The following FSTL5 variants were observed in gnomAD, a reference collection of about 807,000 sequenced individuals.
The protein encoded by FSTL5 is follistatin-related protein 5.
A neutral mutation model predicts 89.1 loss-of-function variants in FSTL5; 62 were observed. The observed-to-expected ratio is 0.70, with a 90% CI of 0.57 to 0.86. The LOEUF (loss-of-function observed/expected upper bound fraction) is 0.86. Ranked by LOEUF, FSTL5 falls within the 40% of genes least tolerant of loss-of-function variation. FSTL5 has a pLI of 0.00. For missense variants in FSTL5, 1,057 were observed against 1,001.6 expected, an observed-to-expected ratio of 1.06 and a Z score of -0.75; for synonymous variants, 383 against 346.2, an observed-to-expected ratio of 1.11 and a Z score of -1.18.
At position 161,964,139 on chromosome 4, in the gene FSTL5, C is replaced by T. The variant is rs188059972; in HGVS notation, c.161-43487G>A. ...ATTCTGATGTGATCCTGAAATATGA[C>T]GGATAATAAATAAAGACACTAAATT... is the stretch of plus-strand genomic sequence containing the variant. On this transcript the variant is annotated intron_variant, in intron 3 of 15. Transcript: ENST00000306100. 6.2e-4 allele frequency among the ~76,000 whole-genome samples: 94 copies of T among 151,898 alleles called. 1 individual carries two copies. The highest frequency in any genetic ancestry group is 2.2e-3 in the Admixed American group (33 of 15,224).
intron 7 of FSTL5, among the ~76,000 whole-genome samples, chr4:161,633,288 C>CTTT (rs1189796658): frequency 4.0e-5 from 4 of 99,966 alleles, no homozygotes; most frequent in African/African-American, 7.7e-5. Context: ...TAAACTAATT[C>CTTT]TTTTTATTAT....
Position 161,550,170 on chromosome 4 carries a change from C to T in FSTL5, c.1016-7477G>A, listed in dbSNP as rs1388742929. Among the ~76,000 whole-genome samples the T allele has an allele frequency of 2.0e-5, 3 of 151,740 alleles. No homozygotes were observed. The East Asian group carries it at 5.8e-4, about 30-fold the overall frequency. On this transcript the variant is annotated intron_variant, in intron 8 of 15. Coordinates refer to ENST00000306100, the MANE Select transcript of FSTL5 (RefSeq NM_020116.5). ...GTTGGGACTGTATCCTGTACATTGC[C>T]CTTAATATTTTTAGAAGCAGAAAAA...
At chr4:162,050,009 A>G (rs1239989078) in intron 2 of FSTL5, among the ~76,000 whole-genome samples, 1 of 151,930 alleles carries the variant, frequency 6.6e-6, no homozygotes, top group Non-Finnish European at 1.5e-5. Flanking sequence ...TAATTCTTGA[A>G]AGAAAGAACA....
At chr4:161,871,809 C>T (rs1031263100) in intron 4 of FSTL5, among the ~76,000 whole-genome samples, 3 of 152,018 alleles carry the variant, frequency 2.0e-5, no homozygotes, top group African/African-American at 4.8e-5. Flanking sequence ...AACTGTGTGA[C>T]TTTGGGCAGG....
intron 2 of FSTL5, among the ~76,000 whole-genome samples, chr4:162,109,527 A>G (rs766720853): frequency 8.5e-5 from 13 of 152,234 alleles, no homozygotes; most frequent in South Asian, 6.2e-4. Flanking sequence ...GGTGACTTCA[A>G]TGATTTTTGG....
At chr4:161,762,074 A>T (rs1181388399) in intron 5 of FSTL5, among the ~76,000 whole-genome samples, 1 of 152,174 alleles carries the variant, frequency 6.6e-6, no homozygotes, top group Non-Finnish European at 1.5e-5. Flanking sequence ...GCACATATTT[A>T]ATGTAGAATG....
chr4:161,474,544 G>GTTTTTTT (rs147822987), intron 13 of FSTL5, among the ~76,000 whole-genome samples: 2 of 121,844 alleles, frequency 1.6e-5, no homozygotes, highest in African/African-American at 3.3e-5. Context: ...ATTGTGTAGT[G>GTTTTTTT]GTTTTTTTTT....
chr4:161,681,385 T>A (rs1737513421), intron 6 of FSTL5, among the ~76,000 whole-genome samples: 1 of 152,118 alleles, frequency 6.6e-6, no homozygotes. Context: ...TTTCTAGCTA[T>A]TTTTTAATGG....
At chr4:161,779,763 A>ATATATATATATATATATATATATATATG (rs1741558297) in intron 4 of FSTL5, among the ~76,000 whole-genome samples, 1 of 22,466 alleles carries the variant, frequency 4.5e-5, no homozygotes, top group African/African-American at 3.7e-4. Context: ...GTAAAGTTAT[A>ATATATATATATATATATATATATATATG]TATATATATA....
chr4:161,420,815 A>G (rs1247033644), intron 15 of FSTL5, among the ~76,000 whole-genome samples: 1 of 150,444 alleles, frequency 6.6e-6, no homozygotes, highest in African/African-American at 2.4e-5. Context: ...TTGAATATAT[A>G]AATACATGAG....
chr4:162,149,976 T>A (rs1344935549), intron 1 of FSTL5, among the ~76,000 whole-genome samples: 3 of 152,178 alleles, frequency 2.0e-5, no homozygotes, highest in Non-Finnish European at 4.4e-5. Context: ...TTTGTTTTAT[T>A]TTTCCTCTAA....
intron 5 of FSTL5, among the ~76,000 whole-genome samples, chr4:161,761,452 C>T (rs1450160288): frequency 6.6e-6 from 1 of 152,150 alleles, no homozygotes; most frequent in Admixed American, 6.5e-5. Context: ...ATTTAGGATG[C>T]AGTGATACCA....
intron 4 of FSTL5, among the ~76,000 whole-genome samples, chr4:161,808,408 C>A (rs1458025472): frequency 1.3e-5 from 2 of 152,090 alleles, no homozygotes; most frequent in Admixed American, 1.3e-4. Context: ...TAGCATTATT[C>A]ACAAATGCCA....
chr4:161,569,063 T>C (rs1395640163), intron 8 of FSTL5, among the ~76,000 whole-genome samples: 2 of 152,172 alleles, frequency 1.3e-5, no homozygotes, highest in African/African-American at 2.4e-5. Flanking sequence ...ATATATTGTA[T>C]TATATTTCAT....
chr4:161,583,664 T>C (rs190767454), intron 8 of FSTL5, among the ~76,000 whole-genome samples: 2 of 152,348 alleles, frequency 1.3e-5, no homozygotes, highest in African/African-American at 4.8e-5. Flanking sequence ...AGACTAGAAC[T>C]GGCAAATTAG....
At chr4:161,391,089 G>A (rs905499189) in intron 15 of FSTL5, among the ~76,000 whole-genome samples, 1 of 152,146 alleles carries the variant, frequency 6.6e-6, no homozygotes, top group African/African-American at 2.4e-5. Context: ...ACTCTATCCT[G>A]TTATAAAAAC....
intron 4 of FSTL5, among the ~76,000 whole-genome samples, chr4:161,783,726 C>T (rs866445552): frequency 0.074 from 1,179 of 15,914 alleles, 455 homozygotes; most frequent in Middle Eastern, 0.16. Context: ...TTTCTTTCTT[C>T]TTTTCTTTTC....
chr4:161,911,475 AC>A (rs1185688430), intron 4 of FSTL5, among the ~76,000 whole-genome samples: 1 of 152,160 alleles, frequency 6.6e-6, no homozygotes, highest in Non-Finnish European at 1.5e-5. Flanking sequence ...ATTGAAAAAA[AC>A]GTGATTACAA....
intron 3 of FSTL5, among the ~76,000 whole-genome samples, chr4:162,017,518 G>T (rs1736948252): frequency 6.6e-6 from 1 of 152,172 alleles, no homozygotes; most frequent in Non-Finnish European, 1.5e-5. Flanking sequence ...TCAGTACTGG[G>T]TGTCTATTGC....
Sources: allele counts gnomAD v4.1 joint callset (sites outside exome capture counted in the v4.1 genomes callset), GRCh38; gene constraint gnomAD v4.1.1; transcripts MANE v1.5; gene names NCBI Gene and HGNC (gene_info 2026-07-23, HGNC 2026-07-21).